The following NUBPL variants were observed in gnomAD, a reference collection of about 807,000 sequenced individuals.
NUBPL encodes the protein NUBP iron-sulfur cluster assembly factor, mitochondrial.
A neutral mutation model predicts 45.7 loss-of-function variants in NUBPL; 31 were observed. The observed-to-expected ratio is 0.68, with a 90% CI of 0.51 to 0.92. NUBPL has a LOEUF of 0.92. Ranked by LOEUF, NUBPL falls within the 40% of genes least tolerant of loss-of-function variation. The pLI is 0.00. For synonymous variants in NUBPL, 144 were observed against 140.9 expected (o/e 1.02, Z -0.15); for missense variants, 401 against 398.7 (o/e 1.01, Z -0.05).
chr14:31,574,002 ATGAG>A (rs2033654787), intron 3 of NUBPL, among the ~76,000 whole-genome samples: 2 of 152,214 alleles, frequency 1.3e-5, no homozygotes, highest in Non-Finnish European at 2.9e-5. Flanking sequence ...AAATGAATGA[ATGAG>A]TGAGTGAATA....
At chr14:31,825,838 C>CTTCT in intron 7 of NUBPL, among the ~76,000 whole-genome samples, 1 of 148,690 alleles carries the variant, frequency 6.7e-6, no homozygotes, top group Non-Finnish European at 1.5e-5. Context: ...CTTCTTGTTT[C>CTTCT]TTCTTTCTTC....
At chr14:31,834,431 G>A (rs982178442) in intron 8 of NUBPL, among the ~76,000 whole-genome samples, 32 of 152,064 alleles carry the variant, frequency 2.1e-4, no homozygotes, top group East Asian at 3.9e-4. Flanking sequence ...TGCCCACCTT[G>A]GCCTCCCAAA....
intron 6 of NUBPL, among the ~76,000 whole-genome samples, chr14:31,688,491 C>T (rs564349388): frequency 2.0e-5 from 3 of 151,030 alleles, no homozygotes; most frequent in South Asian, 2.1e-4. Context: ...GCAGGAGAAT[C>T]GCTCGAACCT....
chr14:31,679,249 C>T (rs2036772234), intron 6 of NUBPL, among the ~76,000 whole-genome samples: 1 of 152,018 alleles, frequency 6.6e-6, no homozygotes, highest in African/African-American at 2.4e-5. Context: ...ACCAGGTATT[C>T]TGAGTGCTCA....
intron 4 of NUBPL, among the ~76,000 whole-genome samples, chr14:31,656,480 T>G (rs1299951944): frequency 6.6e-6 from 1 of 152,188 alleles, no homozygotes; most frequent in African/African-American, 2.4e-5. Context: ...GTGAGAAACA[T>G]ATAACTTTTT....
At chr14:31,733,646 A>G (rs891051665) in intron 6 of NUBPL, among the ~76,000 whole-genome samples, 5 of 152,214 alleles carry the variant, frequency 3.3e-5, no homozygotes, top group Admixed American at 6.5e-5. Context: ...CTGTCATACT[A>G]CATTTCTGAA....
rs755501126 is a variant in NUBPL, at chr14:31,853,623, A to G, written c.897+3422A>G. ...TAAAAAGGTAGTGATTAATTTAAAG[A>G]TATGAATTGTGGTGAATTTAAGACA... On this transcript the variant is annotated intron_variant, in intron 10 of 10. Coordinates refer to ENST00000281081, the MANE Select transcript of NUBPL (RefSeq NM_025152.3). Among the ~76,000 whole-genome samples, 5 of 152,326 alleles carry G rather than the reference A, an allele frequency of 3.3e-5. No individual in the cohort carries two copies. The South Asian group carries it at 6.2e-4, about 19-fold the overall frequency.
chr14:31,570,205 A>G (rs750949393), intron 3 of NUBPL, among the ~76,000 whole-genome samples: 2 of 152,238 alleles, frequency 1.3e-5, no homozygotes, highest in African/African-American at 2.4e-5. Context: ...GTATATTTAT[A>G]TAAGTGTATG....
chr14:31,582,432 A>G lies in NUBPL; in HGVS notation c.292-16857A>G, dbSNP rs184800363. Reference sequence around the variant, plus strand: ...AGCAGAGAGGCTTTTTAGTTAGACTACTGGTCTCTTTTCTTTTCCAAAGGA... The same window carrying G: ...AGCAGAGAGGCTTTTTAGTTAGACTGCTGGTCTCTTTTCTTTTCCAAAGGA... On this transcript the variant is annotated intron_variant, in intron 3 of 10. Coordinates refer to ENST00000281081, the MANE Select transcript of NUBPL (RefSeq NM_025152.3). Among the ~76,000 whole-genome samples the G allele has an allele frequency of 3.5e-4, 50 of 144,632 alleles. No individual in the cohort carries two copies. In the East Asian group the frequency reaches 8.4e-3, roughly 24 times the overall value. 94.9% of individuals were successfully genotyped at this position (144,632 alleles called of 152,430 possible). A position where few individuals can be genotyped will look rare whatever the true frequency, so the allele number is the denominator to read the frequency against.
chr14:31,602,347 A>G (rs1259891377), intron 4 of NUBPL, among the ~76,000 whole-genome samples: 2 of 151,138 alleles, frequency 1.3e-5, no homozygotes, highest in African/African-American at 4.9e-5. Flanking sequence ...TATGTAACTA[A>G]CCTGCACATT....
At chr14:31,777,962 G>A (rs2039126134) in intron 6 of NUBPL, among the ~76,000 whole-genome samples, 1 of 152,192 alleles carries the variant, frequency 6.6e-6, no homozygotes, top group Non-Finnish European at 1.5e-5. Flanking sequence ...ATTCCAAACA[G>A]AACCTAGTCC....
At chr14:31,712,159 T>C (rs944737160) in intron 6 of NUBPL, among the ~76,000 whole-genome samples, 1 of 152,202 alleles carries the variant, frequency 6.6e-6, no homozygotes, top group Non-Finnish European at 1.5e-5. Context: ...GATTGGTCCA[T>C]TTTACAGAGA....
At chr14:31,825,500 C>A (rs988048241) in intron 7 of NUBPL, among the ~76,000 whole-genome samples, 1 of 151,574 alleles carries the variant, frequency 6.6e-6, no homozygotes, top group Non-Finnish European at 1.5e-5. Flanking sequence ...TCTTCTCCTC[C>A]CCCTTGTTCT....
At chr14:31,720,653 T>A (rs1289485361) in intron 6 of NUBPL, among the ~76,000 whole-genome samples, 2 of 152,204 alleles carry the variant, frequency 1.3e-5, no homozygotes, top group Non-Finnish European at 2.9e-5. Flanking sequence ...ATATTACCTA[T>A]CCTTTAAAGC....
intron 6 of NUBPL, among the ~76,000 whole-genome samples, chr14:31,679,478 T>C (rs2036778722): frequency 6.6e-6 from 1 of 152,200 alleles, no homozygotes; most frequent in South Asian, 2.1e-4. Context: ...TTATAATTTT[T>C]TATAGTTTAT....
At chr14:31,762,604 T>A (rs1036043292) in intron 6 of NUBPL, among the ~76,000 whole-genome samples, 1 of 152,086 alleles carries the variant, frequency 6.6e-6, no homozygotes. Flanking sequence ...AAATACAAAT[T>A]TAGGAGTATT....
intron 6 of NUBPL, among the ~76,000 whole-genome samples, chr14:31,697,742 A>T: frequency 1.3e-5 from 2 of 152,246 alleles, no homozygotes; most frequent in East Asian, 3.8e-4. Context: ...GAACTGAGTT[A>T]GGATGAGGGT....
At chr14:31,700,218 T>C (rs2037300976) in intron 6 of NUBPL, among the ~76,000 whole-genome samples, 1 of 152,242 alleles carries the variant, frequency 6.6e-6, no homozygotes, top group Non-Finnish European at 1.5e-5. Flanking sequence ...TAAGTTTCTG[T>C]CCAGCGACAC....
chr14:31,760,965 G>A (rs1023674829), intron 6 of NUBPL, among the ~76,000 whole-genome samples: 3 of 151,982 alleles, frequency 2.0e-5, no homozygotes, highest in Non-Finnish European at 4.4e-5. Context: ...CTGAGTAGCT[G>A]GGATTACAGG....
Sources: gnomAD v4.1 joint callset for allele counts (sites outside exome capture counted in the v4.1 genomes callset) on GRCh38, gnomAD v4.1.1 for gene constraint, MANE v1.5 for transcripts, NCBI Gene and HGNC (gene_info 2026-07-23, HGNC 2026-07-21) for gene names.